NUBP1: variants seen among roughly 807,000 people sequenced by gnomAD.
NUBP1 encodes cytosolic Fe-S cluster assembly factor NUBP1.
Under a neutral mutation model 41.8 loss-of-function variants are expected in NUBP1, and 46 were observed. The ratio of observed to expected loss-of-function variants is 1.10; its 90% confidence interval spans 0.87 to 1.41. The LOEUF (loss-of-function observed/expected upper bound fraction) is 1.41. Among genes scored for constraint, NUBP1 ranks in the 40% most tolerant of loss-of-function variants. The probability of loss-of-function intolerance (pLI) is 0.00; values close to 1 mark genes in which losing one functional copy is unlikely to be tolerated. For synonymous variants in NUBP1, 189 were observed against 154.6 expected, an observed-to-expected ratio of 1.22 and a Z score of -1.65; for missense variants, 494 against 414.0, an observed-to-expected ratio of 1.19 and a Z score of -1.68.
chr16:10,752,568 G>C (rs112870436), intron 3 of NUBP1, 42 bp from the exon 4 acceptor site: 1 of 1,508,700 alleles, frequency 6.6e-7, no homozygotes, highest in African/African-American at 1.4e-5. Context: ...TGGAGTGTGT[G>C]CATTCAGTTA....
chr16:10,767,250 C>T lies in NUBP1; in HGVS notation c.821-699C>T, dbSNP rs927035440. The T allele has an allele frequency of 2.5e-6, 1 of 399,412 alleles. No individual in the cohort carries two copies. Among genetic ancestry groups the T allele is most frequent in the Non-Finnish European group, 4.4e-6 (1 of 226,722 alleles). The allele number at this position is 399,412 out of a possible 1,614,324, so 24.7% of individuals were successfully genotyped here. A position where few individuals can be genotyped will look rare whatever the true frequency, so the allele number is the denominator to read the frequency against. ...CGAGAACACCCCCATTGACCCCTAGCCCCTTGTGTCCTGTCCACCTGGCTC... is the reference window on the plus strand; with the variant it reads ...CGAGAACACCCCCATTGACCCCTAGTCCCTTGTGTCCTGTCCACCTGGCTC... On this transcript the variant is annotated intron_variant, in intron 9 of 10. Coordinates refer to ENST00000283027, the MANE Select transcript of NUBP1 (RefSeq NM_002484.4). The surrounding 1 kb of genome is among the most constrained non-coding windows in gnomAD (Gnocchi z 4.6).
At chr16:10,752,756 A>G (rs932578753) in intron 4 of NUBP1, 78 bp downstream of exon 4, 2 of 1,185,358 alleles carry the variant, frequency 1.7e-6, no homozygotes, top group African/African-American at 1.5e-5. Flanking sequence ...AACCTCAACA[A>G]AGAGGCATGC....
At chr16:10,762,837 G>A (rs1342906831) in intron 9 of NUBP1, among the ~76,000 whole-genome samples, 1 of 152,158 alleles carries the variant, frequency 6.6e-6, no homozygotes, top group Non-Finnish European at 1.5e-5. Context: ...CGGGGCCCGT[G>A]GAGAGCCTGG....
chr16:10,763,088 A>T (rs2030254426), intron 9 of NUBP1, among the ~76,000 whole-genome samples: 1 of 152,028 alleles, frequency 6.6e-6, no homozygotes, highest in Non-Finnish European at 1.5e-5. Context: ...TGCTGCCAGT[A>T]CAAGTCACCT....
At chr16:10,763,271 G>A (rs2030289750) in intron 9 of NUBP1, among the ~76,000 whole-genome samples, 1 of 152,050 alleles carries the variant, frequency 6.6e-6, no homozygotes, top group South Asian at 2.1e-4. Flanking sequence ...CACAGGACAT[G>A]GACAGGATTG....
intron 4 of NUBP1, among the ~76,000 whole-genome samples, chr16:10,754,602 A>G (rs1369494105): frequency 1.3e-5 from 2 of 152,140 alleles, no homozygotes; most frequent in Non-Finnish European, 2.9e-5. Flanking sequence ...GTGTGATTCC[A>G]CTTACATGAA....
In NUBP1 at chr16:10,759,967, C is replaced by G. The variant is rs936515715; in HGVS notation, c.607-1397C>G. ...TCCAGGTGCTAAGGAGTCACTACAC[C>G]TGACAGTGACAAGCCACAGCAGGAC... On this transcript the variant is annotated intron_variant, in intron 7 of 10. Coordinates refer to ENST00000283027, the MANE Select transcript of NUBP1 (RefSeq NM_002484.4). The surrounding 1 kb of genome is among the most constrained non-coding windows in gnomAD (Gnocchi z 4.7). Among the ~76,000 whole-genome samples the G allele has an allele frequency of 6.6e-6, 1 of 152,198 alleles. No individual in the cohort carries two copies. The highest frequency in any genetic ancestry group is 1.9e-4 in the East Asian group (1 of 5,194).
chr16:10,755,233 G>C (rs906174193), intron 4 of NUBP1, among the ~76,000 whole-genome samples: 1 of 152,160 alleles, frequency 6.6e-6, no homozygotes, highest in Admixed American at 6.5e-5. Context: ...GACACCTGCT[G>C]GGGGGAAGAG....
chr16:10,762,833 C>A (rs1567264020), intron 9 of NUBP1, among the ~76,000 whole-genome samples: 1 of 147,838 alleles, frequency 6.8e-6, no homozygotes, highest in African/African-American at 2.4e-5. Context: ...AGGGCGGGGC[C>A]CGTGGAGAGC....
chr16:10,766,794 C>G lies in NUBP1; in HGVS notation c.821-1155C>G. On this transcript the variant is annotated intron_variant, in intron 9 of 10. Coordinates refer to ENST00000283027, the MANE Select transcript of NUBP1 (RefSeq NM_002484.4). This position sits in a 1 kb window ranked among gnomAD's most constrained non-coding sequence, Gnocchi z 4.8. ...TACAGAGTTTTTGTGTTTAAATACC[C>G]TCTACTTGAGGTACGCCCTATATAA... 2.5e-6 allele frequency: 1 copy of G among 397,338 alleles called. No homozygotes were observed. Among genetic ancestry groups the G allele is most frequent in the Admixed American group, 4.4e-5 (1 of 22,714 alleles). 24.6% of individuals were successfully genotyped at this position (397,338 alleles called of 1,614,324 possible).
chr16:10,762,567 G>A (rs1003514796), intron 9 of NUBP1, among the ~76,000 whole-genome samples: 4 of 152,128 alleles, frequency 2.6e-5, no homozygotes, highest in Non-Finnish European at 4.4e-5. Flanking sequence ...GCGGGCCTCC[G>A]TTACTGGGGC....
chr16:10,744,026 CG>C lies in NUBP1; in HGVS notation c.87del (p.Leu30CysfsTer14), dbSNP rs1567251854. The C allele has an allele frequency of 3.8e-6, 6 of 1,574,954 alleles. No homozygotes were observed. The South Asian group carries it at 5.8e-5, about 15-fold the overall frequency. On this transcript the variant is annotated frameshift_variant, in exon 2 of 11. Coordinates refer to ENST00000283027, the MANE Select transcript of NUBP1 (RefSeq NM_002484.4). LOFTEE classifies it high-confidence loss of function. Reference sequence around the variant, plus strand: ...TTCATGTCAGGGATGCCCCAACCAGCGGCTGTGCGCTTCTGGAGCGGGGGCC... The same window carrying C: ...TTCATGTCAGGGATGCCCCAACCAGCGCTGTGCGCTTCTGGAGCGGGGGCC... ...GASCQGCPNQRLCASGAGATP... is the reference protein window; with the variant it reads ...GASCQGCPNQXLCASGAGATP...
rs141995939 is a variant in NUBP1, at chr16:10,765,635, G to A, written c.821-2314G>A. On this transcript the variant is annotated intron_variant, in intron 9 of 10. Transcript: ENST00000283027. This position sits in a 1 kb window ranked among gnomAD's most constrained non-coding sequence, Gnocchi z 4.0. The stretch of plus-strand genomic sequence containing the variant: ...CCTTGGGGCTATTAGATCCTGATAC[G>A]GCTTTTCTTCCAAAGAGCCAGCAAC... 6.8e-3 allele frequency among the ~76,000 whole-genome samples: 1,043 copies of A among 152,266 alleles called. 7 individuals are homozygous for A. The highest frequency in any genetic ancestry group is 0.012 in the Admixed American group (177 of 15,276).
chr16:10,751,171 C>T (rs1201883819), intron 3 of NUBP1, among the ~76,000 whole-genome samples: 2 of 152,026 alleles, frequency 1.3e-5, no homozygotes, highest in East Asian at 1.9e-4. Context: ...ATTCACTCCC[C>T]AAGGGAGTGA....
rs575887707 is a variant in NUBP1 at position 10,757,678 on chromosome 16, G to A, written c.452-195G>A. ...CAAAAAGATCAGATCATGCTTCTCCGTGAGCTGGGCACAGTGGCACGCACT... is the reference window on the plus strand; with the variant it reads ...CAAAAAGATCAGATCATGCTTCTCCATGAGCTGGGCACAGTGGCACGCACT... On this transcript the variant is annotated intron_variant, in intron 6 of 10. Coordinates refer to ENST00000283027, the MANE Select transcript of NUBP1 (RefSeq NM_002484.4). The surrounding 1 kb of genome is among the most constrained non-coding windows in gnomAD (Gnocchi z 4.1). 6.6e-5 allele frequency among the ~76,000 whole-genome samples: 10 copies of A among 152,208 alleles called. No individual in the cohort carries two copies. In the South Asian group the frequency reaches 1.5e-3, roughly 22 times the overall value.
At position 10,765,842 on chromosome 16, in the gene NUBP1, T is replaced by A. The variant is rs1318593429; in HGVS notation, c.821-2107T>A. Reference sequence around the variant, plus strand: ...GCTGAGAACATTAAGTGCCTTCTAGTGGGCATGGTCCTGTGTGTCAAATGG... The same window carrying A: ...GCTGAGAACATTAAGTGCCTTCTAGAGGGCATGGTCCTGTGTGTCAAATGG... On this transcript the variant is annotated intron_variant, in intron 9 of 10. Transcript: ENST00000283027. The surrounding 1 kb of genome is among the most constrained non-coding windows in gnomAD (Gnocchi z 4.0). Among the ~76,000 whole-genome samples the A allele has an allele frequency of 2.6e-5, 4 of 152,192 alleles. No homozygotes were observed. The highest frequency in any genetic ancestry group is 9.7e-5 in the African/African-American group (4 of 41,448).
At position 10,761,482 on chromosome 16, in the gene NUBP1, C is replaced by T. The variant is rs752978296; in HGVS notation, c.717+8C>T. 1.1e-5 allele frequency: 18 copies of T among 1,608,584 alleles called. No homozygotes were observed. Among genetic ancestry groups the T allele is most frequent in the East Asian group, 2.2e-5 (1 of 44,814 alleles). On this transcript the variant is annotated splice_region_variant and intron_variant, in intron 8 of 10. Transcript: ENST00000283027. ...ATCTGTCCTAAGTGCAAGGTGAGGG[C>T]GCGTGGGGCTGCCAGGCGAGCAAGA...
intron 3 of NUBP1, among the ~76,000 whole-genome samples, chr16:10,751,182 AAT>A (rs1900296545): frequency 6.6e-6 from 1 of 152,098 alleles, no homozygotes; most frequent in African/African-American, 2.4e-5. Context: ...AAGGGAGTGA[AAT>A]TCCTCTAAAG....
In NUBP1 at chr16:10,745,012, C is replaced by T. The variant is rs1166802852; in HGVS notation, c.124+947C>T. Among the ~76,000 whole-genome samples the T allele has an allele frequency of 2.6e-5, 4 of 151,252 alleles. No homozygotes were observed. The East Asian group carries it at 8.0e-4, about 30-fold the overall frequency. The stretch of plus-strand genomic sequence containing the variant: ...ACCTCAAGTGATGCATCTGCCTGGG[C>T]CTCCCAAAGTGCTGGGATTACAGGC... On this transcript the variant is annotated intron_variant, in intron 2 of 10. Coordinates refer to ENST00000283027, the MANE Select transcript of NUBP1 (RefSeq NM_002484.4).
Sources: gnomAD v4.1 joint callset for allele counts (sites outside exome capture counted in the v4.1 genomes callset) on GRCh38, gnomAD v4.1.1 for gene constraint, Gnocchi (gnomAD v3.1) non-coding constraint, MANE v1.5 for transcripts, NCBI Gene and HGNC (gene_info 2026-07-23, HGNC 2026-07-21) for gene names.